The following TDRD12 variants were observed in gnomAD, a reference collection of about 807,000 sequenced individuals.
TDRD12 encodes the protein tudor domain containing 12.
Under a neutral mutation model 133.5 loss-of-function variants are expected in TDRD12, and 158 were observed. The observed-to-expected ratio is 1.18, with a 90% CI of 1.04 to 1.35. The LOEUF (loss-of-function observed/expected upper bound fraction) is 1.35. TDRD12 is among the 40% of genes most tolerant of loss of function. The pLI is 0.00. For synonymous variants in TDRD12, 460 were observed against 477.9 expected, an observed-to-expected ratio of 0.96 and a Z score of 0.49; for missense variants, 1,443 against 1,321.3, an observed-to-expected ratio of 1.09 and a Z score of -1.43.
At chr19:32,784,870 C>T (rs1256744911) in intron 11 of TDRD12, among the ~76,000 whole-genome samples, 1 of 152,054 alleles carries the variant, frequency 6.6e-6, no homozygotes, top group African/African-American at 2.4e-5. Context: ...TGATTCTTCT[C>T]TCTTTTCTTC....
At chr19:32,726,678 G>A (rs1350017903) in intron 1 of TDRD12, among the ~76,000 whole-genome samples, 1 of 151,958 alleles carries the variant, frequency 6.6e-6, no homozygotes, top group Non-Finnish European at 1.5e-5. Flanking sequence ...TTGAGGTGAG[G>A]ATTGCTTGAG....
At chr19:32,803,116 A>C in exon 21 of TDRD12, 2 of 1,524,350 alleles carry the variant, frequency 1.3e-6, no homozygotes, top group Non-Finnish European at 1.7e-6. Context: ...CTCTTTGTCC[A>C]TATCTGAAGG....
intron 24 of TDRD12, 45 bp from the exon 25 acceptor site, chr19:32,813,638 AT>A: frequency 8.7e-7 from 1 of 1,148,706 alleles, no homozygotes; most frequent in Non-Finnish European, 1.2e-6. Flanking sequence ...AAAATAAGGT[AT>A]TTTGTTAAAG....
At chr19:32,727,653 C>T (rs551036245) in intron 1 of TDRD12, among the ~76,000 whole-genome samples, 1 of 152,068 alleles carries the variant, frequency 6.6e-6, no homozygotes, top group Admixed American at 6.6e-5. Flanking sequence ...CAAATTTATT[C>T]TTTCATTTTT....
intron 27 of TDRD12, among the ~76,000 whole-genome samples, chr19:32,819,962 C>T (rs373182807): frequency 2.0e-5 from 3 of 152,086 alleles, no homozygotes; most frequent in East Asian, 3.9e-4. Context: ...TGAAAGTCTA[C>T]GCCTAGGGCT....
intron 3 of TDRD12, among the ~76,000 whole-genome samples, chr19:32,741,078 A>G (rs954892509): frequency 1.7e-4 from 26 of 152,026 alleles, no homozygotes; most frequent in African/African-American, 6.3e-4. Flanking sequence ...AGAGGTGTCT[A>G]TTTTGTTTTG....
chr19:32,722,679 ATTTT>A (rs34068580), intron 1 of TDRD12, among the ~76,000 whole-genome samples: 3 of 102,124 alleles, frequency 2.9e-5, no homozygotes, highest in African/African-American at 3.2e-5. Context: ...TTTAAAAAAA[ATTTT>A]TTTTTTTTTT....
At chr19:32,801,862 A>G in exon 19 of TDRD12, 1 of 1,308,170 alleles carries the variant, frequency 7.6e-7, no homozygotes, top group Non-Finnish European at 1.0e-6. Context: ...TCTGGCTCTC[A>G]AATTATATTA....
At chr19:32,723,190 T>C (rs535633347) in intron 1 of TDRD12, among the ~76,000 whole-genome samples, 1 of 152,282 alleles carries the variant, frequency 6.6e-6, no homozygotes, top group South Asian at 2.1e-4. Flanking sequence ...GTGATTATAT[T>C]CCTGTTATAT....
At chr19:32,781,253 A>G (rs974146637) in intron 11 of TDRD12, among the ~76,000 whole-genome samples, 5 of 152,066 alleles carry the variant, frequency 3.3e-5, no homozygotes, top group African/African-American at 1.2e-4. Flanking sequence ...TTTTTAATCT[A>G]TCTTAAAGAT....
intron 14 of TDRD12, among the ~76,000 whole-genome samples, chr19:32,797,339 G>A (rs982318054): frequency 6.6e-6 from 1 of 152,090 alleles, no homozygotes; most frequent in Admixed American, 6.6e-5. Context: ...TTGTGCTTAG[G>A]ATCTGTGCAG....
chr19:32,768,092 G>T (rs1482652524), intron 8 of TDRD12, among the ~76,000 whole-genome samples: 1 of 152,168 alleles, frequency 6.6e-6, no homozygotes, highest in Non-Finnish European at 1.5e-5. Flanking sequence ...CTTTTGCACT[G>T]TCAGAGCTGA....
intron 24 of TDRD12, 141 bp from the exon 25 acceptor site, chr19:32,813,543 G>T: frequency 1.0e-5 from 6 of 576,580 alleles, no homozygotes; most frequent in Non-Finnish European, 1.8e-5. Context: ...GGACGAGAGG[G>T]GGTGATGACC....
chr19:32,825,825 A>G (rs1304899253), downstream of TDRD12, among the ~76,000 whole-genome samples: 3 of 152,202 alleles, frequency 2.0e-5, no homozygotes, highest in Admixed American at 2.0e-4. The surrounding 1 kb of genome is among the most constrained non-coding windows in gnomAD (Gnocchi z 4.1). Flanking sequence ...GGTTGCAGTG[A>G]GTCAAGATCA....
chr19:32,727,737 C>T (rs567129527), intron 1 of TDRD12, among the ~76,000 whole-genome samples: 2 of 152,248 alleles, frequency 1.3e-5, no homozygotes, highest in Non-Finnish European at 2.9e-5. Flanking sequence ...GGTGCAATTT[C>T]GGCTCACTGC....
intron 24 of TDRD12, among the ~76,000 whole-genome samples, chr19:32,812,747 T>G (rs546772013): frequency 6.6e-6 from 1 of 152,242 alleles, no homozygotes; most frequent in East Asian, 1.9e-4. Flanking sequence ...CTGTGTACAT[T>G]CTTCTGAATT....
intron 8 of TDRD12, among the ~76,000 whole-genome samples, chr19:32,768,925 T>C (rs1970369594): frequency 6.6e-6 from 1 of 152,198 alleles, no homozygotes; most frequent in South Asian, 2.1e-4. Flanking sequence ...TTATTTTTTA[T>C]GGAGACAGAG....
intron 21 of TDRD12, 104 bp from the exon 22 acceptor site, chr19:32,807,445 A>G (rs998551388): frequency 2.0e-5 from 14 of 705,028 alleles, no homozygotes; most frequent in Admixed American, 3.4e-5. Context: ...TTTGGAATAA[A>G]AGTTATCTGA....
exon 4 of TDRD12, chr19:32,742,845 T>A: frequency 6.4e-7 from 1 of 1,551,874 alleles, no homozygotes; most frequent in Non-Finnish European, 8.7e-7. Flanking sequence ...CAGCCTGTAC[T>A]GCACAAAGCC....
Sources: gnomAD v4.1 joint callset for allele counts (sites outside exome capture counted in the v4.1 genomes callset) on GRCh38, gnomAD v4.1.1 for gene constraint, Gnocchi (gnomAD v3.1) non-coding constraint, MANE v1.5 for transcripts, NCBI Gene and HGNC (gene_info 2026-07-23, HGNC 2026-07-21) for gene names.